Variants in IQCJ observed in about 807,000 individuals in gnomAD.
IQCJ encodes the protein IQ motif containing J, also known as IQ domain-containing protein J.
In IQCJ, 9 loss-of-function variants were observed where a neutral mutation model predicts 11.0. The ratio of observed to expected loss-of-function variants is 0.82; its 90% CI spans 0.49 to 1.43. The LOEUF (loss-of-function observed/expected upper bound fraction) is 1.43. Among genes scored for constraint, IQCJ ranks in the 40% most tolerant of loss-of-function variants. The probability of loss-of-function intolerance (pLI) is 0.00; values close to 1 mark genes in which losing one functional copy is unlikely to be tolerated. For synonymous variants in IQCJ, 55 were observed against 51.3 expected (o/e 1.07, Z -0.31); for missense variants, 146 against 133.2 (o/e 1.10, Z -0.47).
intron 1 of IQCJ, among the ~76,000 whole-genome samples, chr3:159,091,654 AC>A (rs1717298247): frequency 1.8e-5 from 1 of 56,580 alleles, no homozygotes; most frequent in Admixed American, 2.8e-4. Flanking sequence ...ATTTACACAC[AC>A]ACACACACAC....
chr3:159,143,455 T>A (rs947942940), intron 1 of IQCJ, among the ~76,000 whole-genome samples: 7 of 152,220 alleles, frequency 4.6e-5, no homozygotes, highest in African/African-American at 1.7e-4. Flanking sequence ...CCTTCGTTGC[T>A]CTTTTCTTCA....
intron 1 of IQCJ, among the ~76,000 whole-genome samples, chr3:159,223,678 A>G (rs1725681726): frequency 6.6e-6 from 1 of 152,204 alleles, no homozygotes; most frequent in Admixed American, 6.5e-5. Context: ...AGTCTTAGAA[A>G]TAATGACCAG....
At chr3:159,141,898 T>G (rs747137427) in intron 1 of IQCJ, among the ~76,000 whole-genome samples, 19 of 152,210 alleles carry the variant, frequency 1.2e-4, no homozygotes, top group Non-Finnish European at 2.4e-4. Flanking sequence ...TAGAATATCA[T>G]CCATTGCCCA....
intron 1 of IQCJ, among the ~76,000 whole-genome samples, chr3:159,181,126 C>T (rs974327824): frequency 6.6e-6 from 1 of 151,858 alleles, no homozygotes; most frequent in African/African-American, 2.4e-5. Context: ...ATGGAACCTG[C>T]CTGGGCAATG....
intron 1 of IQCJ, among the ~76,000 whole-genome samples, chr3:159,226,346 C>G (rs938001113): frequency 6.6e-6 from 1 of 152,132 alleles, no homozygotes; most frequent in African/African-American, 2.4e-5. Context: ...CTGAAGGACA[C>G]TCATCACTGT....
intron 1 of IQCJ, among the ~76,000 whole-genome samples, chr3:159,156,477 A>G (rs1177095112): frequency 6.6e-6 from 1 of 152,192 alleles, no homozygotes; most frequent in Non-Finnish European, 1.5e-5. Context: ...TCCAAGAGCA[A>G]TAAAGAGACA....
chr3:159,168,550 C>CGTCT (rs1249987290), intron 1 of IQCJ, among the ~76,000 whole-genome samples: 1 of 152,132 alleles, frequency 6.6e-6, no homozygotes, highest in Non-Finnish European at 1.5e-5. Context: ...CCTGATTAGA[C>CGTCT]ACTCATGTTA....
chr3:159,186,685 C>T (rs960006632), intron 1 of IQCJ, among the ~76,000 whole-genome samples: 4 of 152,198 alleles, frequency 2.6e-5, no homozygotes, highest in African/African-American at 9.6e-5. Flanking sequence ...TGTTATTGTT[C>T]TGTCTTACTT....
chr3:159,082,808 G>T lies in IQCJ; in HGVS notation c.9+13367G>T, dbSNP rs557932374. The stretch of plus-strand genomic sequence containing the variant: ...ATTCTGGGACAGATAGAGACAACCA[G>T]ATTAGATGGGGGAGGACATGAAAAG... On this transcript the variant is annotated intron_variant, in intron 1 of 3. Coordinates refer to ENST00000397832, the MANE Select transcript of IQCJ (RefSeq NM_001042706.3). Among the ~76,000 whole-genome samples, 103 of 152,232 alleles carry T rather than the reference G, an allele frequency of 6.8e-4. 2 individuals are homozygous for T. The Middle Eastern group carries it at 0.024, about 35-fold the overall frequency.
At chr3:159,225,846 G>T (rs779659673) in intron 1 of IQCJ, among the ~76,000 whole-genome samples, 62 of 152,084 alleles carry the variant, frequency 4.1e-4, no homozygotes, top group Non-Finnish European at 7.1e-4. Flanking sequence ...TAAATCCCAG[G>T]TTGCCATCTA....
intron 1 of IQCJ, among the ~76,000 whole-genome samples, chr3:159,204,580 G>T (rs577524674): frequency 1.3e-5 from 2 of 152,332 alleles, no homozygotes; most frequent in Admixed American, 1.3e-4. Flanking sequence ...CAGAAAATAT[G>T]CAGCATCACT....
At chr3:159,107,805 C>T (rs1718357477) in intron 1 of IQCJ, among the ~76,000 whole-genome samples, 1 of 151,880 alleles carries the variant, frequency 6.6e-6, no homozygotes, top group African/African-American at 2.4e-5. Context: ...GACATGAGCA[C>T]CCAACGCCTG....
intron 1 of IQCJ, among the ~76,000 whole-genome samples, chr3:159,241,013 C>G (rs1418032105): frequency 6.6e-6 from 1 of 152,168 alleles, no homozygotes; most frequent in Non-Finnish European, 1.5e-5. Flanking sequence ...ATTCACTAGT[C>G]CTAGGTTATG....
chr3:159,251,012 G>C (rs1043404547), intron 2 of IQCJ, among the ~76,000 whole-genome samples: 1 of 152,194 alleles, frequency 6.6e-6, no homozygotes. Flanking sequence ...TTAAATATAT[G>C]TGTAGAATGA....
intron 1 of IQCJ, among the ~76,000 whole-genome samples, chr3:159,079,734 C>A (rs1267554290): frequency 6.6e-6 from 1 of 152,052 alleles, no homozygotes; most frequent in Non-Finnish European, 1.5e-5. Flanking sequence ...CCTATGATTT[C>A]ATTTTCAATG....
At chr3:159,169,672 G>A (rs1291402334) in intron 1 of IQCJ, among the ~76,000 whole-genome samples, 2 of 152,130 alleles carry the variant, frequency 1.3e-5, no homozygotes, top group Non-Finnish European at 2.9e-5. Flanking sequence ...AGAACTTTGG[G>A]CTTGTTGCTT....
intron 1 of IQCJ, among the ~76,000 whole-genome samples, chr3:159,157,160 A>G (rs1240029720): frequency 6.6e-6 from 1 of 152,126 alleles, no homozygotes; most frequent in African/African-American, 2.4e-5. Context: ...GAGGAGGAGG[A>G]GACTGAGAAG....
intron 1 of IQCJ, among the ~76,000 whole-genome samples, chr3:159,161,011 T>A (rs1721818895): frequency 6.6e-6 from 1 of 152,190 alleles, no homozygotes; most frequent in African/African-American, 2.4e-5. Flanking sequence ...TGTGTCTTTA[T>A]AGCAGCATGA....
chr3:159,112,559 G>C (rs1325071529), intron 1 of IQCJ, among the ~76,000 whole-genome samples: 1 of 150,572 alleles, frequency 6.6e-6, no homozygotes, highest in African/African-American at 2.5e-5. Context: ...GCTAGACAGA[G>C]GCTGAAGCAT....
Sources: allele counts gnomAD v4.1 joint callset (sites outside exome capture counted in the v4.1 genomes callset), GRCh38; gene constraint gnomAD v4.1.1; transcripts MANE v1.5; gene names NCBI Gene and HGNC (gene_info 2026-07-23, HGNC 2026-07-21).